CHST1: variants seen among roughly 807,000 people sequenced by gnomAD.
The protein encoded by CHST1 is carbohydrate sulfotransferase 1, also known as Keratan sulfotransferase.
In CHST1, 10 loss-of-function variants were observed where a neutral mutation model predicts 22.5. The ratio of observed to expected loss-of-function variants is 0.44; its 90% CI spans 0.27 to 0.75. CHST1 has a LOEUF of 0.75. CHST1 is among the 30% of genes least tolerant of loss of function. CHST1 has a pLI of 0.15. For synonymous variants in CHST1, 267 were observed against 264.5 expected (o/e 1.01, Z -0.09); for missense variants, 439 against 576.1 (o/e 0.76, Z 2.44).
chr11:45,659,149 C>G (rs1852099073), intron 1 of CHST1, among the ~76,000 whole-genome samples: 1 of 152,192 alleles, frequency 6.6e-6, no homozygotes, highest in Non-Finnish European at 1.5e-5. Flanking sequence ...GGGGATGCAT[C>G]CCACAGGCCA....
At chr11:45,655,479 T>C (rs4148897) in intron 1 of CHST1, among the ~76,000 whole-genome samples, 44,394 of 152,238 alleles carry the variant, frequency 0.29, 7,278 homozygotes, top group Middle Eastern at 0.49. Flanking sequence ...CCGTCATCGC[T>C]GCTGTATTCA....
chr11:45,650,303 C>A lies in CHST1; in HGVS notation c.621G>T (p.Thr207=), dbSNP rs1288165686. The A allele has an allele frequency of 6.2e-7, 1 of 1,604,948 alleles. No homozygotes were observed. Among genetic ancestry groups the A allele is most frequent in the African/African-American group, 1.3e-5 (1 of 74,960 alleles). ...GGTCGTTCACCTCGGGCACGCGCACCGTCTTGATGGCCACGTGGCTGCGCT... is the reference window on the plus strand; with the variant it reads ...GGTCGTTCACCTCGGGCACGCGCACAGTCTTGATGGCCACGTGGCTGCGCT... ...CRERSHVAIK[T]VRVPEVNDLR... is the part of the protein sequence containing the mutation. The change falls in exon 4 of 4, where the codon ACG becomes ACT. Residue 207 remains threonine, a synonymous_variant. Transcript: ENST00000308064.
Position 45,650,218 on chromosome 11 carries a change from G to A in CHST1, c.706C>T (p.Pro236Ser). ...CTGCGCGAAGCCAGAATGCCGCGGG[G>A]GTCTCGGACCAGCTGGATGACCTTG... ...NLKVIQLVRD[P>S]RGILASRSET... Residue 236 changes from proline (P) to serine (S), a missense_variant, in exon 4 of 4, where the codon CCC becomes TCC. Pro to Ser is a moderately conservative substitution (Grantham distance 74). Coordinates refer to ENST00000308064, the MANE Select transcript of CHST1 (RefSeq NM_003654.6). The A allele has an allele frequency of 6.2e-7, 1 of 1,610,348 alleles. No homozygotes were observed. The highest frequency in any genetic ancestry group is 2.2e-5 in the East Asian group (1 of 44,850).
chr11:45,658,724 G>A (rs1852092695), intron 1 of CHST1, among the ~76,000 whole-genome samples: 1 of 152,268 alleles, frequency 6.6e-6, no homozygotes, highest in Admixed American at 6.5e-5. Context: ...GCCAGTCCTG[G>A]TACAGCCTGG....
chr11:45,660,005 G>A (rs138970212), intron 1 of CHST1, among the ~76,000 whole-genome samples: 3 of 152,242 alleles, frequency 2.0e-5, no homozygotes, highest in East Asian at 3.9e-4. Context: ...CATTAGGAGG[G>A]GCCACAGCTC....
rs1194806751 is a variant in CHST1, at chr11:45,665,327, C to G, written c.-376G>C. ...CCTCCCGCGCCCTCCTCCTCGGCCT[C>G]CCTCCTCCCTCCTCTTCCTCCGACT... On this transcript the variant is annotated 5_prime_UTR_variant, in exon 1 of 4. Coordinates refer to ENST00000308064, the MANE Select transcript of CHST1 (RefSeq NM_003654.6). This position sits in a 1 kb window ranked among gnomAD's most constrained non-coding sequence, Gnocchi z 4.0. 2 of 151,988 alleles carry G rather than the reference C, an allele frequency of 1.3e-5. No homozygotes were observed. The highest frequency in any genetic ancestry group is 2.9e-5 in the Non-Finnish European group (2 of 68,048). The allele number at this position is 151,988 out of a possible 1,614,324, so 9.4% of individuals were successfully genotyped here. A position where few individuals can be genotyped will look rare whatever the true frequency, so the allele number is the denominator to read the frequency against.
chr11:45,655,047 A>G (rs572582929), intron 1 of CHST1, among the ~76,000 whole-genome samples: 1 of 152,326 alleles, frequency 6.6e-6, no homozygotes, highest in South Asian at 2.1e-4. Flanking sequence ...AGTCAATGCC[A>G]GGCATATAGA....
intron 1 of CHST1, among the ~76,000 whole-genome samples, chr11:45,664,654 C>G (rs1565002438): frequency 6.6e-6 from 1 of 152,244 alleles, no homozygotes; most frequent in African/African-American, 2.4e-5. Context: ...CTGCACCATC[C>G]GGCGGCTCCG....
rs1339037350 is a variant in CHST1 at position 45,649,659 on chromosome 11, G to C, written c.*29C>G. 6.6e-7 allele frequency: 1 copy of C among 1,513,842 alleles called. No individual in the cohort carries two copies. Among genetic ancestry groups the C allele is most frequent in the Non-Finnish European group, 8.8e-7 (1 of 1,139,120 alleles). The allele number at this position is 1,513,842 out of a possible 1,614,324, so 93.8% of individuals were successfully genotyped here. ...CATTTTATCAAAACCGACACCTTGCGCCTCCCGCCCCCACCCGCACCGCCC... is the reference window on the plus strand; with the variant it reads ...CATTTTATCAAAACCGACACCTTGCCCCTCCCGCCCCCACCCGCACCGCCC... On this transcript the variant is annotated 3_prime_UTR_variant, in exon 4 of 4. Transcript: ENST00000308064.
rs191511133 is a variant in CHST1 at position 45,663,966 on chromosome 11, C to T, written c.-227+1212G>A. On this transcript the variant is annotated intron_variant, in intron 1 of 3. Coordinates refer to ENST00000308064, the MANE Select transcript of CHST1 (RefSeq NM_003654.6). ...GTCATCATGATGCCTGGAAGTGTCC[C>T]CACTGCTGAGGACAGGAGCCTGGGA... 9.2e-5 allele frequency among the ~76,000 whole-genome samples: 14 copies of T among 152,278 alleles called. No individual in the cohort carries two copies. In the East Asian group the frequency reaches 2.7e-3, roughly 29 times the overall value.
At chr11:45,664,779 T>C (rs922133558) in intron 1 of CHST1, among the ~76,000 whole-genome samples, 3 of 152,076 alleles carry the variant, frequency 2.0e-5, no homozygotes, top group African/African-American at 7.2e-5. Flanking sequence ...GTTTGGAAAG[T>C]TGGTGCGGGC....
chr11:45,659,579 G>A (rs1160195878), intron 1 of CHST1, among the ~76,000 whole-genome samples: 3 of 152,074 alleles, frequency 2.0e-5, no homozygotes, highest in South Asian at 2.1e-4. Flanking sequence ...CCATCTCACC[G>A]CTTCCCAGAG....
At chr11:45,655,594 C>T (rs897265948) in intron 1 of CHST1, among the ~76,000 whole-genome samples, 3 of 152,258 alleles carry the variant, frequency 2.0e-5, no homozygotes, top group Admixed American at 6.5e-5. Context: ...ACCCGGGCTG[C>T]GGCCTCTGCT....
Position 45,650,026 on chromosome 11 carries a change from C to G in CHST1, c.898G>C (p.Val300Leu), listed in dbSNP as rs771549271. ...TTCCGAGCCAGGTCCTCGTAGCGCA[C>G]CAACATGTACTTGCCCTTGAGCCAC... ...PPWLKGKYML[V>L]RYEDLARNPM... The change falls in exon 4 of 4, where the codon GTG (valine) becomes CTG (leucine). Residue 300 changes from valine (V) to leucine (L), a missense_variant. Transcript: ENST00000308064. The G allele has an allele frequency of 1.9e-6, 3 of 1,614,096 alleles. No individual in the cohort carries two copies. Among genetic ancestry groups the G allele is most frequent in the Non-Finnish European group, 2.5e-6 (3 of 1,180,020 alleles).
intron 1 of CHST1, among the ~76,000 whole-genome samples, chr11:45,660,775 G>C (rs1852121976): frequency 6.6e-6 from 1 of 152,136 alleles, no homozygotes; most frequent in Non-Finnish European, 1.5e-5. Context: ...CAAGTGCCCA[G>C]CTTGGGGCCC....
intron 1 of CHST1, among the ~76,000 whole-genome samples, chr11:45,660,882 G>A (rs1852123750): frequency 6.6e-6 from 1 of 152,328 alleles, no homozygotes; most frequent in South Asian, 2.1e-4. Flanking sequence ...CCATCCCTGA[G>A]AAGGAGACAG....
chr11:45,648,471 T>A lies in CHST1; in HGVS notation c.*1217A>T, dbSNP rs1488264507. 3.3e-5 allele frequency among the ~76,000 whole-genome samples: 5 copies of A among 149,754 alleles called. No individual in the cohort carries two copies. In the South Asian group the frequency reaches 8.4e-4, roughly 25 times the overall value. The stretch of plus-strand genomic sequence containing the variant: ...CTGAGGCAGGAGGAATGCCCAGAGC[T>A]CAGGAGTTCGCGACCAGCCTGGACA... On this transcript the variant is annotated 3_prime_UTR_variant, in exon 4 of 4. Transcript: ENST00000308064.
At chr11:45,660,388 T>C (rs1852116202) in intron 1 of CHST1, among the ~76,000 whole-genome samples, 1 of 152,198 alleles carries the variant, frequency 6.6e-6, no homozygotes, top group Non-Finnish European at 1.5e-5. Context: ...TCTGACCTCC[T>C]AAAATGTCCA....
chr11:45,664,271 C>T (rs1852169363), intron 1 of CHST1, among the ~76,000 whole-genome samples: 1 of 152,196 alleles, frequency 6.6e-6, no homozygotes, highest in African/African-American at 2.4e-5. Context: ...TGTCAATGGC[C>T]GGCCCAAGCC....
Sources: allele counts gnomAD v4.1 joint callset (sites outside exome capture counted in the v4.1 genomes callset), GRCh38; gene constraint gnomAD v4.1.1; non-coding constraint Gnocchi (gnomAD v3.1); transcripts MANE v1.5; gene names NCBI Gene and HGNC (gene_info 2026-07-23, HGNC 2026-07-21).